HYCC1: variants seen among roughly 807,000 people sequenced by gnomAD.
HYCC1 encodes hyccin PI4KA lipid kinase complex subunit 1, also known as hyccin.
chr7:22,957,979 A>G, the HYCC1 span, among the ~76,000 whole-genome samples: 20 of 151,570 alleles, frequency 1.3e-4, no homozygotes, highest in African/African-American at 4.8e-4. Flanking sequence ...ACACAATTAA[A>G]TTAAAAAATC....
chr7:22,945,668 T>C, the HYCC1 span: 1 of 1,613,844 alleles, frequency 6.2e-7, no homozygotes, highest in African/African-American at 1.3e-5. Flanking sequence ...TTCAGTTCTT[T>C]CTGAAACGTA....
chr7:22,971,680 A>C, the HYCC1 span, among the ~76,000 whole-genome samples: 2 of 147,378 alleles, frequency 1.4e-5, no homozygotes, highest in African/African-American at 2.5e-5. Context: ...CATCTCACAA[A>C]AAAAAAAAAA....
chr7:22,919,831 C>T, the HYCC1 span, among the ~76,000 whole-genome samples: 2 of 151,718 alleles, frequency 1.3e-5, no homozygotes, highest in Non-Finnish European at 2.9e-5. Flanking sequence ...AGTGCACCAA[C>T]ATTCACATAA....
the HYCC1 span, among the ~76,000 whole-genome samples, chr7:22,989,803 A>T: frequency 3.9e-5 from 6 of 152,224 alleles, no homozygotes; most frequent in Non-Finnish European, 7.3e-5. Context: ...TCAGGATTAG[A>T]TAAAAGAGAC....
the HYCC1 span, among the ~76,000 whole-genome samples, chr7:22,989,465 A>G: frequency 6.6e-6 from 1 of 152,028 alleles, no homozygotes; most frequent in Non-Finnish European, 1.5e-5. Context: ...CTCCCAACTC[A>G]GCCTCCCAAG....
At chr7:22,973,498 G>C in the HYCC1 span, among the ~76,000 whole-genome samples, 1 of 152,122 alleles carries the variant, frequency 6.6e-6, no homozygotes. Flanking sequence ...ATTTGATAGA[G>C]TTCCTCTAAT....
At chr7:22,898,575 ATTTCT>A in the HYCC1 span, among the ~76,000 whole-genome samples, 2,897 of 132,054 alleles carry the variant, frequency 0.022, 114 homozygotes, top group African/African-American at 0.052. Context: ...TGGTCCAAAT[ATTTCT>A]TTTCTTTTCT....
At chr7:22,999,632 G>C in the HYCC1 span, among the ~76,000 whole-genome samples, 1 of 152,086 alleles carries the variant, frequency 6.6e-6, no homozygotes, top group Non-Finnish European at 1.5e-5. Flanking sequence ...CAAAGAAACA[G>C]AAGTAGCAAA....
At chr7:22,964,361 C>G in the HYCC1 span, 1 of 995,194 alleles carries the variant, frequency 1.0e-6, no homozygotes, top group Middle Eastern at 2.1e-4. Flanking sequence ...GATGAACAGA[C>G]TATAATTTTC....
At chr7:22,939,605 T>G in the HYCC1 span, 1 of 152,252 alleles carries the variant, frequency 6.6e-6, no homozygotes, top group Non-Finnish European at 1.5e-5. Context: ...TGATTTTATC[T>G]TACCTTAAAA....
the HYCC1 span, chr7:22,977,477 C>G: frequency 9.6e-7 from 1 of 1,047,098 alleles, no homozygotes; most frequent in Non-Finnish European, 1.4e-6. Context: ...CACAAATTTA[C>G]AAACTAAATT....
chr7:22,946,244 T>C, the HYCC1 span: 3 of 1,119,554 alleles, frequency 2.7e-6, no homozygotes, highest in Non-Finnish European at 1.3e-6. Context: ...AAATCAGTTA[T>C]GCTTTACATA....
the HYCC1 span, among the ~76,000 whole-genome samples, chr7:23,000,608 A>G: frequency 6.6e-6 from 1 of 152,118 alleles, no homozygotes; most frequent in Non-Finnish European, 1.5e-5. Flanking sequence ...TATATTTACG[A>G]CCTTCAACAA....
At chr7:23,007,139 G>A in the HYCC1 span, among the ~76,000 whole-genome samples, 1 of 152,128 alleles carries the variant, frequency 6.6e-6, no homozygotes, top group Non-Finnish European at 1.5e-5. Flanking sequence ...GAACAGAACA[G>A]TGATAATATA....
chr7:22,911,471 T>C, the HYCC1 span, among the ~76,000 whole-genome samples: 1 of 152,142 alleles, frequency 6.6e-6, no homozygotes, highest in Non-Finnish European at 1.5e-5. Context: ...TACATTAAAG[T>C]TCAAAAGGCC....
the HYCC1 span, among the ~76,000 whole-genome samples, chr7:22,991,505 C>G: frequency 0.12 from 17,851 of 151,970 alleles, 1,295 homozygotes; most frequent in East Asian, 0.29. Context: ...TAAGAAGACA[C>G]GCATCCAAAA....
At chr7:22,916,296 A>G in the HYCC1 span, among the ~76,000 whole-genome samples, 1 of 152,060 alleles carries the variant, frequency 6.6e-6, no homozygotes, top group African/African-American at 2.4e-5. Flanking sequence ...TGCCTAACCC[A>G]TATACTCTCC....
chr7:22,932,292 G>A, the HYCC1 span, among the ~76,000 whole-genome samples: 1 of 152,146 alleles, frequency 6.6e-6, no homozygotes, highest in Non-Finnish European at 1.5e-5. Flanking sequence ...TAAAGATGGG[G>A]TAAAATGAAA....
the HYCC1 span, among the ~76,000 whole-genome samples, chr7:22,950,099 G>C: frequency 6.6e-6 from 1 of 151,946 alleles, no homozygotes; most frequent in Non-Finnish European, 1.5e-5. Flanking sequence ...ATAACTCTGT[G>C]ACCCGACATT....
Sources: allele counts gnomAD v4.1 joint callset (sites outside exome capture counted in the v4.1 genomes callset), GRCh38; gene constraint gnomAD v4.1.1; transcripts MANE v1.5; gene names NCBI Gene and HGNC (gene_info 2026-07-23, HGNC 2026-07-21).